The following PMS1 variants were observed in gnomAD, a reference collection of about 807,000 sequenced individuals.
PMS1 encodes PMS1 protein homolog 1.
PMS1 carries 79 observed loss-of-function variants against 93.1 expected under a neutral mutation model. That is an observed-to-expected ratio of 0.85 (90% confidence interval 0.71 to 1.02). PMS1 has a LOEUF of 1.02. Among genes scored for constraint, PMS1 ranks in the 50% least tolerant of loss-of-function variants. PMS1 has a pLI of 0.00. For synonymous variants in PMS1, 335 were observed against 363.4 expected (o/e 0.92, Z 0.89); for missense variants, 1,064 against 1,085.3 (o/e 0.98, Z 0.28).
In PMS1 at chr2:189,873,655, A is replaced by T; in HGVS notation, c.2633A>T (p.Glu878Val). 3 of 1,601,392 alleles carry T rather than the reference A, an allele frequency of 1.9e-6. No individual in the cohort carries two copies. The highest frequency in any genetic ancestry group is 1.3e-5 in the African/African-American group (1 of 74,758). The stretch of plus-strand genomic sequence containing the variant: ...CCTCGCAAAGTGATAAGTTATTTAG[A>T]GGTACGCATTATTTTATATATATGT... ...CRPRKVISYLEGEAVRLSRQL... is the reference protein window; with the variant it reads ...CRPRKVISYLVGEAVRLSRQL... Residue 878 changes from glutamate to valine, a missense_variant and splice_region_variant, in exon 12 of 13, where the codon GAG (glutamate) becomes GTG (valine). By Grantham distance (121) the Glu-to-Val change is moderately radical. Coordinates refer to ENST00000441310, the MANE Select transcript of PMS1 (RefSeq NM_000534.5).
chr2:189,858,827 G>C (rs975825491), intron 9 of PMS1, among the ~76,000 whole-genome samples: 4 of 152,092 alleles, frequency 2.6e-5, no homozygotes, highest in Non-Finnish European at 5.9e-5. Flanking sequence ...TTTTAATGTA[G>C]TTTACAGTGA....
intron 9 of PMS1, chr2:189,857,338 A>G (rs2055437211): frequency 6.2e-6 from 2 of 322,696 alleles, no homozygotes; most frequent in South Asian, 2.8e-5. Context: ...CTGTGTTAGA[A>G]CCTTTCAGAG....
Position 189,854,365 on chromosome 2 carries a change from GA to G in PMS1, c.1096del (p.Thr366GlnfsTer42). ...AADIVLSKTA[E>X]TDVLFNKVES... ...TGACATCGTTCTTAGTAAAACAGCA[GA>G]AACAGATGTGCTTTTTAATAAAGTG... On this transcript the variant is annotated frameshift_variant, in exon 9 of 13. Transcript: ENST00000441310. LOFTEE classifies it high-confidence loss of function. 2 of 1,601,732 alleles carry G rather than the reference GA, an allele frequency of 1.2e-6. No homozygotes were observed. The highest frequency in any genetic ancestry group is 1.7e-6 in the Non-Finnish European group (2 of 1,173,354).
Position 189,841,976 on chromosome 2 carries a change from C to A in PMS1, c.583-1988C>A, listed in dbSNP as rs5743105. Among the ~76,000 whole-genome samples the A allele has an allele frequency of 4.0e-5, 6 of 151,372 alleles. No homozygotes were observed. In the South Asian group the frequency reaches 1.3e-3, roughly 32 times the overall value. On this transcript the variant is annotated intron_variant, in intron 5 of 12. Coordinates refer to ENST00000441310, the MANE Select transcript of PMS1 (RefSeq NM_000534.5). ...CCTGCTTGCTAGTGTACCCATTCTT[C>A]CCCTTCAGTTTCCTGGTCAAATGTG...
At chr2:189,846,513 C>CA (rs780419075) in intron 6 of PMS1, among the ~76,000 whole-genome samples, 2,187 of 124,490 alleles carry the variant, frequency 0.018, 20 homozygotes, top group Middle Eastern at 0.03. Flanking sequence ...GACTCCGTCT[C>CA]AAAAAAAAAA....
intron 5 of PMS1, among the ~76,000 whole-genome samples, chr2:189,833,739 A>G (rs975852691): frequency 5.3e-5 from 8 of 152,220 alleles, no homozygotes; most frequent in Admixed American, 3.9e-4. Flanking sequence ...TGCTGGAAGA[A>G]ACCATACCTG....
chr2:189,873,972 T>A (rs2057358005), intron 12 of PMS1, among the ~76,000 whole-genome samples: 1 of 152,218 alleles, frequency 6.6e-6, no homozygotes, highest in Admixed American at 6.5e-5. Context: ...GGACTGCTGC[T>A]GATTCTATAT....
intron 3 of PMS1, among the ~76,000 whole-genome samples, chr2:189,802,484 C>T (rs2049977473): frequency 6.6e-6 from 1 of 152,130 alleles, no homozygotes; most frequent in South Asian, 2.1e-4. Flanking sequence ...GTCTTGCTGT[C>T]TCTGGTGGCA....
At chr2:189,811,590 G>A (rs2050851825) in intron 4 of PMS1, among the ~76,000 whole-genome samples, 1 of 151,544 alleles carries the variant, frequency 6.6e-6, no homozygotes, top group Non-Finnish European at 1.5e-5. Flanking sequence ...TGAGACTCTT[G>A]TCTTCAACAA....
At chr2:189,833,463 T>C (rs1416159771) in intron 5 of PMS1, among the ~76,000 whole-genome samples, 1 of 152,108 alleles carries the variant, frequency 6.6e-6, no homozygotes, top group Non-Finnish European at 1.5e-5. Flanking sequence ...GCGCCTGTAG[T>C]CCCAGCTACT....
At chr2:189,869,690 G>A (rs1333033916) in intron 11 of PMS1, among the ~76,000 whole-genome samples, 1 of 152,004 alleles carries the variant, frequency 6.6e-6, no homozygotes, top group Non-Finnish European at 1.5e-5. Flanking sequence ...TGTGGCAGGT[G>A]CCTATGATCC....
chr2:189,808,626 C>T (rs1184432960), intron 4 of PMS1, among the ~76,000 whole-genome samples: 1 of 152,142 alleles, frequency 6.6e-6, no homozygotes, highest in Non-Finnish European at 1.5e-5. Flanking sequence ...CCACTGTGCC[C>T]AGCCTAAAAG....
At chr2:189,836,431 T>C (rs2053391776) in intron 5 of PMS1, among the ~76,000 whole-genome samples, 1 of 152,216 alleles carries the variant, frequency 6.6e-6, no homozygotes, top group East Asian at 1.9e-4. Context: ...TTTTAGCACA[T>C]GTTAAGCTTT....
chr2:189,847,379 A>C (rs960549651), intron 6 of PMS1, among the ~76,000 whole-genome samples: 31 of 151,034 alleles, frequency 2.1e-4, no homozygotes, highest in East Asian at 5.8e-4. Flanking sequence ...CCTCCTGTTA[A>C]TTTTCTCCTA....
intron 5 of PMS1, among the ~76,000 whole-genome samples, chr2:189,828,097 G>GT (rs200341306): frequency 9.9e-5 from 15 of 151,284 alleles, no homozygotes; most frequent in Non-Finnish European, 2.1e-4. Context: ...CTAATTTTTT[G>GT]TTTTTTTTAG....
intron 6 of PMS1, among the ~76,000 whole-genome samples, chr2:189,850,594 G>GT (rs939847636): frequency 3.9e-5 from 6 of 152,102 alleles, no homozygotes; most frequent in African/African-American, 1.2e-4. Flanking sequence ...ATTAGGAAGA[G>GT]TAACTAGAGA....
chr2:189,864,526 C>T (rs1379625827), intron 10 of PMS1, among the ~76,000 whole-genome samples: 4 of 147,482 alleles, frequency 2.7e-5, no homozygotes, highest in Non-Finnish European at 6.0e-5. Flanking sequence ...TGTGATGGCA[C>T]GCACCTGTAG....
chr2:189,877,294 G>A lies in PMS1; in HGVS notation c.2657G>A (p.Arg886Lys), dbSNP rs1424753991. ...CAGGGAGAAGCAGTGCGTCTATCCAGACAATTACCCATGTACTTATCAAAA... is the reference window on the plus strand; with the variant it reads ...CAGGGAGAAGCAGTGCGTCTATCCAAACAATTACCCATGTACTTATCAAAA... ...YLEGEAVRLSRQLPMYLSKED... is the reference protein window; with the variant it reads ...YLEGEAVRLSKQLPMYLSKED... The change falls in exon 13 of 13, where the codon AGA (arginine) becomes AAA (lysine). Residue 886 changes from arginine to lysine, a missense_variant. Coordinates refer to ENST00000441310, the MANE Select transcript of PMS1 (RefSeq NM_000534.5). The A allele has an allele frequency of 6.2e-7, 1 of 1,613,758 alleles. No individual in the cohort carries two copies. Among genetic ancestry groups the A allele is most frequent in the African/African-American group, 1.3e-5 (1 of 75,014 alleles).
At chr2:189,789,565 T>G (rs1367894920) in intron 1 of PMS1, among the ~76,000 whole-genome samples, 2 of 152,202 alleles carry the variant, frequency 1.3e-5, no homozygotes, top group African/African-American at 4.8e-5. Flanking sequence ...AGAAGTGCAT[T>G]CCTTAAACTC....
Sources: gnomAD v4.1 joint callset for allele counts (sites outside exome capture counted in the v4.1 genomes callset) on GRCh38, gnomAD v4.1.1 for gene constraint, MANE v1.5 for transcripts, NCBI Gene and HGNC (gene_info 2026-07-23, HGNC 2026-07-21) for gene names.